The following STX8 variants were observed in gnomAD, a reference collection of about 807,000 sequenced individuals.
STX8 encodes syntaxin-8.
In STX8, 23 loss-of-function variants were observed where a neutral mutation model predicts 37.5. The ratio of observed to expected loss-of-function variants is 0.61; its 90% confidence interval spans 0.44 to 0.87. The LOEUF (loss-of-function observed/expected upper bound fraction) is 0.87, where lower values mean the gene tolerates loss of function less well. Among genes scored for constraint, STX8 ranks in the 40% least tolerant of loss-of-function variants. STX8 has a pLI of 0.00. For synonymous variants in STX8, 115 were observed against 99.1 expected (o/e 1.16, Z -0.95); for missense variants, 313 against 284.7 (o/e 1.10, Z -0.71).
chr17:9,464,524 T>C (rs1230027775), intron 6 of STX8, among the ~76,000 whole-genome samples: 2 of 152,142 alleles, frequency 1.3e-5, no homozygotes, highest in Non-Finnish European at 2.9e-5. Context: ...CCAACCATGA[T>C]CACGGGTCTC....
intron 7 of STX8, among the ~76,000 whole-genome samples, chr17:9,260,212 A>G (rs1230952531): frequency 6.6e-6 from 1 of 152,088 alleles, no homozygotes; most frequent in Non-Finnish European, 1.5e-5. Flanking sequence ...AATCCCAGCT[A>G]CTCGGGAGGC....
chr17:9,488,668 T>G lies in STX8; in HGVS notation c.541+3161A>C, dbSNP rs1013825697. On this transcript the variant is annotated intron_variant, in intron 6 of 7. Coordinates refer to ENST00000306357, the MANE Select transcript of STX8 (RefSeq NM_004853.3). Reference sequence around the variant, plus strand: ...GGAATGTAGCTGGACCTCTCAAAGCTGGAAAATCAAAGATATGAATTCTCC... The same window carrying G: ...GGAATGTAGCTGGACCTCTCAAAGCGGGAAAATCAAAGATATGAATTCTCC... Among the ~76,000 whole-genome samples, 9 of 152,090 alleles carry G rather than the reference T, an allele frequency of 5.9e-5. No individual in the cohort carries two copies. In the East Asian group the frequency reaches 1.7e-3, roughly 29 times the overall value.
intron 4 of STX8, among the ~76,000 whole-genome samples, chr17:9,522,293 A>G (rs559361424): frequency 9.9e-5 from 15 of 152,186 alleles, no homozygotes; most frequent in Non-Finnish European, 2.1e-4. Flanking sequence ...CAGTTTAGTT[A>G]CAACAGTCCA....
chr17:9,555,086 T>A (rs757377355), intron 3 of STX8: 16 of 152,190 alleles, frequency 1.1e-4, no homozygotes, highest in Non-Finnish European at 2.1e-4. Context: ...TCCAGTTGAA[T>A]TTTTGATGTC....
At chr17:9,306,995 A>G (rs1363293758) in intron 7 of STX8, among the ~76,000 whole-genome samples, 3 of 151,904 alleles carry the variant, frequency 2.0e-5, no homozygotes, top group Non-Finnish European at 2.9e-5. Flanking sequence ...GTGGTGGTGC[A>G]TGCCTGTAAT....
chr17:9,467,037 C>G (rs1263283538), intron 6 of STX8: 2 of 152,146 alleles, frequency 1.3e-5, no homozygotes, highest in Non-Finnish European at 2.9e-5. Flanking sequence ...ATTACAGGTG[C>G]CTGTCACCAC....
chr17:9,510,441 A>G (rs1192689808), intron 4 of STX8, among the ~76,000 whole-genome samples: 2 of 152,184 alleles, frequency 1.3e-5, no homozygotes, highest in Non-Finnish European at 2.9e-5. Flanking sequence ...ATTTAACCAC[A>G]GTGGAAAATA....
chr17:9,258,572 C>T (rs1196444865), intron 7 of STX8, among the ~76,000 whole-genome samples: 3 of 152,220 alleles, frequency 2.0e-5, no homozygotes, highest in Non-Finnish European at 4.4e-5. Flanking sequence ...GAGAGGAGGA[C>T]CTACCTGCCT....
chr17:9,383,986 CT>C (rs1448374215), intron 6 of STX8, among the ~76,000 whole-genome samples: 4 of 152,134 alleles, frequency 2.6e-5, no homozygotes, highest in Non-Finnish European at 2.9e-5. Context: ...GAGAACTGGC[CT>C]GACCCATATG....
intron 5 of STX8, 140 bp from the exon 6 acceptor site, chr17:9,492,061 C>A (rs377024844): frequency 5.4e-6 from 3 of 550,968 alleles, no homozygotes; most frequent in African/African-American, 1.9e-5. Flanking sequence ...ATTATTGGAA[C>A]AAAATTTAAA....
At chr17:9,500,850 A>G (rs1160120189) in intron 5 of STX8, among the ~76,000 whole-genome samples, 1 of 151,954 alleles carries the variant, frequency 6.6e-6, no homozygotes, top group Non-Finnish European at 1.5e-5. Flanking sequence ...AAAAAAATAC[A>G]AAAAATTAGC....
At chr17:9,520,316 GGAGA>G (rs1052990358) in intron 4 of STX8, among the ~76,000 whole-genome samples, 10 of 152,180 alleles carry the variant, frequency 6.6e-5, no homozygotes, top group African/African-American at 2.4e-4. Flanking sequence ...TTGAGCAGAT[GGAGA>G]GAATTACTTG....
At chr17:9,480,560 T>C (rs1330354561) in intron 6 of STX8, among the ~76,000 whole-genome samples, 1 of 152,098 alleles carries the variant, frequency 6.6e-6, no homozygotes, top group Non-Finnish European at 1.5e-5. Flanking sequence ...AGGTCACAGA[T>C]CACTAAATGG....
At chr17:9,448,030 C>T (rs975074947) in intron 6 of STX8, among the ~76,000 whole-genome samples, 3 of 151,946 alleles carry the variant, frequency 2.0e-5, no homozygotes, top group African/African-American at 7.2e-5. Flanking sequence ...CAAAAATTAG[C>T]TGGGCATGGC....
intron 7 of STX8, among the ~76,000 whole-genome samples, chr17:9,360,859 C>A (rs1471389187): frequency 6.6e-6 from 1 of 152,012 alleles, no homozygotes; most frequent in Non-Finnish European, 1.5e-5. Context: ...GGCTGAGCAC[C>A]CAGCGCTCAG....
At chr17:9,448,750 T>C (rs1048429604) in intron 6 of STX8, among the ~76,000 whole-genome samples, 6 of 152,182 alleles carry the variant, frequency 3.9e-5, no homozygotes, top group Non-Finnish European at 7.3e-5. Flanking sequence ...CTAAGAACAG[T>C]GGTTCAGTAT....
chr17:9,560,417 G>A (rs9904508), intron 2 of STX8, among the ~76,000 whole-genome samples: 8,136 of 98,856 alleles, frequency 0.082, 402 homozygotes, highest in African/African-American at 0.15. Flanking sequence ...AAAAAAAAAC[G>A]GTAGAAGAAT....
chr17:9,287,950 A>C (rs915021923), intron 7 of STX8, among the ~76,000 whole-genome samples: 1 of 151,738 alleles, frequency 6.6e-6, no homozygotes, highest in Admixed American at 6.6e-5. Context: ...GGGTTTCACC[A>C]TGTTGGCCAG....
At chr17:9,494,925 C>A (rs779279843) in intron 5 of STX8, among the ~76,000 whole-genome samples, 1 of 152,062 alleles carries the variant, frequency 6.6e-6, no homozygotes, top group Non-Finnish European at 1.5e-5. Context: ...CGGAACACGC[C>A]GCATGAAGGT....
Sources: gnomAD v4.1 joint callset for allele counts (sites outside exome capture counted in the v4.1 genomes callset) on GRCh38, gnomAD v4.1.1 for gene constraint, MANE v1.5 for transcripts, NCBI Gene and HGNC (gene_info 2026-07-23, HGNC 2026-07-21) for gene names.